The following UNC13B variants were observed in gnomAD, a reference collection of about 807,000 sequenced individuals.
The protein encoded by UNC13B is protein unc-13 homolog B.
A neutral mutation model predicts 211.0 loss-of-function variants in UNC13B; 144 were observed. The ratio of observed to expected loss-of-function variants is 0.68; its 90% confidence interval spans 0.60 to 0.78. The LOEUF (loss-of-function observed/expected upper bound fraction) is 0.78. Among genes scored for constraint, UNC13B ranks in the 30% least tolerant of loss-of-function variants. The pLI is 0.00. For missense variants in UNC13B, 1,777 were observed against 2,002.0 expected, an observed-to-expected ratio of 0.89 and a Z score of 2.14; for synonymous variants, 709 against 725.8, an observed-to-expected ratio of 0.98 and a Z score of 0.37.
chr9:35,176,656 A>G (rs1416402309), intron 1 of UNC13B, among the ~76,000 whole-genome samples: 1 of 152,208 alleles, frequency 6.6e-6, no homozygotes, highest in East Asian at 1.9e-4. Context: ...AAGTTTATAT[A>G]GACTAGTAGG....
chr9:35,397,007 C>T, intron 28 of UNC13B, 70 bp downstream of exon 28: 2 of 1,608,198 alleles, frequency 1.2e-6, no homozygotes, highest in Middle Eastern at 1.7e-4. Context: ...GGCAGAAGTT[C>T]CTGGGCTTTG....
chr9:35,345,028 A>G (rs1379207924), intron 11 of UNC13B, among the ~76,000 whole-genome samples: 3 of 152,200 alleles, frequency 2.0e-5, no homozygotes, highest in African/African-American at 2.4e-5. Flanking sequence ...TGAACAAGCT[A>G]TCAGATGGGA....
At chr9:35,330,449 A>G (rs924353445) in intron 11 of UNC13B, among the ~76,000 whole-genome samples, 2 of 152,176 alleles carry the variant, frequency 1.3e-5, no homozygotes, top group Non-Finnish European at 1.5e-5. Context: ...TCAGGCTGTT[A>G]TAGGGATCTA....
intron 1 of UNC13B, among the ~76,000 whole-genome samples, chr9:35,174,358 C>T (rs930526036): frequency 2.6e-5 from 4 of 151,740 alleles, no homozygotes; most frequent in African/African-American, 9.7e-5. Context: ...CAGGGTCTCC[C>T]TCTGTCCTCC....
chr9:35,385,839 G>A, intron 23 of UNC13B, 26 bp downstream of exon 23: 1 of 1,592,324 alleles, frequency 6.3e-7, no homozygotes, highest in Non-Finnish European at 8.6e-7. Context: ...GGGCTTGGGT[G>A]GTGCTGGGCT....
chr9:35,259,792 G>T, intron 7 of UNC13B, among the ~76,000 whole-genome samples: 1 of 110,324 alleles, frequency 9.1e-6, no homozygotes, highest in Non-Finnish European at 1.8e-5. Context: ...TGTGTAGGGG[G>T]ATGCGGGGGG....
chr9:35,364,600 T>C, intron 11 of UNC13B: 1 of 1,535,224 alleles, frequency 6.5e-7, no homozygotes, highest in Non-Finnish European at 8.7e-7. Context: ...TCGTCCTTTT[T>C]TGTCTATTTC....
At chr9:35,397,391 T>C in intron 29 of UNC13B, 81 bp downstream of exon 29, 1 of 1,572,800 alleles carries the variant, frequency 6.4e-7, no homozygotes, top group Non-Finnish European at 8.7e-7. Flanking sequence ...TCAGCACCTC[T>C]CCACTGTGGC....
Position 35,389,969 on chromosome 9 carries a change from A to T in UNC13B, c.11218A>T (p.Asn3740Tyr). The change falls in exon 25 of 40, where the codon AAC becomes TAC. Residue 3740 changes from asparagine to tyrosine, a missense_variant. Asn to Tyr is a moderately radical substitution (Grantham distance 143, BLOSUM62 -2). Coordinates refer to ENST00000635942, the MANE Select transcript of UNC13B (RefSeq NM_001371189.2). ...TAAGAATTCCTACACACCTGTTCTG[A>T]ACCAGTGAGTATCACCCTCTTTGGC... ...EDKNSYTPVLNQFPQELNVGK... is the reference protein window; with the variant it reads ...EDKNSYTPVLYQFPQELNVGK... The T allele has an allele frequency of 6.2e-7, 1 of 1,614,040 alleles. No homozygotes were observed. Among genetic ancestry groups the T allele is most frequent in the Non-Finnish European group, 8.5e-7 (1 of 1,179,936 alleles).
At chr9:35,382,221 A>T in intron 20 of UNC13B, 136 bp from the exon 21 acceptor site, 1 of 1,182,686 alleles carries the variant, frequency 8.5e-7, no homozygotes, top group African/African-American at 1.5e-5. Context: ...CTGTGTGCAG[A>T]AAGTAGCCCT....
chr9:35,220,090 G>A (rs564895063), intron 1 of UNC13B, among the ~76,000 whole-genome samples: 3 of 152,038 alleles, frequency 2.0e-5, no homozygotes, highest in African/African-American at 4.8e-5. Context: ...GTTTGTTTAT[G>A]CAGGTATAAG....
intron 11 of UNC13B, among the ~76,000 whole-genome samples, chr9:35,356,920 G>A (rs986504449): frequency 3.2e-4 from 48 of 152,112 alleles, no homozygotes; most frequent in African/African-American, 1.1e-3. Flanking sequence ...GCATGTATCA[G>A]TACTTCATTT....
At chr9:35,326,051 CTGTT>C (rs1318297797) in intron 11 of UNC13B, among the ~76,000 whole-genome samples, 1 of 152,180 alleles carries the variant, frequency 6.6e-6, no homozygotes, top group Non-Finnish European at 1.5e-5. Context: ...AACCGCCAGA[CTGTT>C]TTTTAAAGTG....
At chr9:35,219,337 C>T (rs1019789029) in intron 1 of UNC13B, among the ~76,000 whole-genome samples, 2 of 152,080 alleles carry the variant, frequency 1.3e-5, no homozygotes, top group Non-Finnish European at 1.5e-5. Context: ...AGCCACTTGA[C>T]TCATGGCTGG....
intron 6 of UNC13B, among the ~76,000 whole-genome samples, chr9:35,257,882 T>C (rs1230184877): frequency 6.6e-6 from 1 of 152,130 alleles, no homozygotes; most frequent in Non-Finnish European, 1.5e-5. Context: ...TTGCAATAAT[T>C]ATTTACCCTC....
intron 5 of UNC13B, 79 bp from the exon 6 acceptor site, chr9:35,243,212 C>G (rs996182543): frequency 7.2e-7 from 1 of 1,395,920 alleles, no homozygotes; most frequent in East Asian, 2.3e-5. Context: ...AGTCATTAGA[C>G]AGAGTAAAGT....
intron 27 of UNC13B, 72 bp from the exon 28 acceptor site, chr9:35,396,769 T>C: frequency 1.2e-6 from 2 of 1,604,922 alleles, no homozygotes; most frequent in Non-Finnish European, 1.7e-6. Context: ...GACCCCAGTC[T>C]GGTGGAGCTG....
At chr9:35,389,494 G>A (rs1014608141) in intron 24 of UNC13B, among the ~76,000 whole-genome samples, 3 of 152,192 alleles carry the variant, frequency 2.0e-5, no homozygotes, top group African/African-American at 7.2e-5. Flanking sequence ...GGGCCGCATA[G>A]AAGTAGACCT....
intron 11 of UNC13B, among the ~76,000 whole-genome samples, chr9:35,338,551 G>A (rs1242791226): frequency 1.3e-5 from 2 of 151,966 alleles, no homozygotes; most frequent in South Asian, 2.1e-4. Context: ...ATTCTACAGC[G>A]GGAAAAATGA....
Sources: allele counts gnomAD v4.1 joint callset (sites outside exome capture counted in the v4.1 genomes callset), GRCh38; gene constraint gnomAD v4.1.1; transcripts MANE v1.5; gene names NCBI Gene and HGNC (gene_info 2026-07-23, HGNC 2026-07-21).